AHCYL2: variants seen among roughly 807,000 people sequenced by gnomAD.
AHCYL2 encodes the protein adenosylhomocysteinase like 2.
Under a neutral mutation model 81.4 loss-of-function variants are expected in AHCYL2, and 28 were observed. That is an observed-to-expected ratio of 0.34 (90% CI 0.25 to 0.47). The LOEUF (loss-of-function observed/expected upper bound fraction) is 0.47, where lower values mean the gene tolerates loss of function less well. Ranked by LOEUF, AHCYL2 falls within the 20% of genes least tolerant of loss-of-function variation. AHCYL2 has a pLI of 1.00. For synonymous variants in AHCYL2, 272 were observed against 290.2 expected (o/e 0.94, Z 0.64); for missense variants, 551 against 785.1 (o/e 0.70, Z 3.56).
rs189371435 is a variant in AHCYL2 at position 129,242,025 on chromosome 7, A to C, written c.363+16586A>C. Among the ~76,000 whole-genome samples the C allele has an allele frequency of 7.1e-4, 108 of 152,146 alleles. 1 individual carries two copies. The highest frequency in any genetic ancestry group is 2.5e-3 in the African/African-American group (104 of 41,484). Reference sequence around the variant, plus strand: ...TTGCTATATATTCTTTATCAGTATCAATTGTATGTCAGCAGATAATATATA... The same window carrying C: ...TTGCTATATATTCTTTATCAGTATCCATTGTATGTCAGCAGATAATATATA... On this transcript the variant is annotated intron_variant, in intron 1 of 16. Coordinates refer to ENST00000325006, the MANE Select transcript of AHCYL2 (RefSeq NM_015328.4).
intron 1 of AHCYL2, among the ~76,000 whole-genome samples, chr7:129,305,487 C>T (rs1441552114): frequency 6.6e-6 from 1 of 151,860 alleles, no homozygotes; most frequent in Non-Finnish European, 1.5e-5. Context: ...CAAAAAAAAA[C>T]ACTTTATACT....
At chr7:129,386,272 G>T (rs1243096355) in intron 2 of AHCYL2, among the ~76,000 whole-genome samples, 1 of 152,108 alleles carries the variant, frequency 6.6e-6, no homozygotes, top group African/African-American at 2.4e-5. Flanking sequence ...AGACCAGCCT[G>T]CCCAGCATGG....
intron 1 of AHCYL2, among the ~76,000 whole-genome samples, chr7:129,337,623 T>C (rs1798649646): frequency 6.6e-6 from 1 of 152,156 alleles, no homozygotes; most frequent in Non-Finnish European, 1.5e-5. Flanking sequence ...GGTCTCGAAC[T>C]CTTGACCTCA....
chr7:129,416,673 G>A (rs573326215), intron 12 of AHCYL2, among the ~76,000 whole-genome samples: 7 of 152,054 alleles, frequency 4.6e-5, no homozygotes, highest in Admixed American at 1.3e-4. Flanking sequence ...GGTGGTGGGC[G>A]CCTGTAATCC....
intron 1 of AHCYL2, among the ~76,000 whole-genome samples, chr7:129,320,444 G>A (rs192416164): frequency 6.1e-4 from 93 of 152,210 alleles, no homozygotes; most frequent in Non-Finnish European, 1.2e-3. Context: ...AGCCTCCTAA[G>A]TAGCTGGGAT....
At chr7:129,425,313 T>C (rs1163937557) in intron 15 of AHCYL2, among the ~76,000 whole-genome samples, 172 bp downstream of exon 15, 1 of 152,240 alleles carries the variant, frequency 6.6e-6, no homozygotes. Flanking sequence ...TCCCATTTTC[T>C]ACATGTGTTG....
chr7:129,230,635 C>T (rs956968052), intron 1 of AHCYL2, among the ~76,000 whole-genome samples: 6 of 145,642 alleles, frequency 4.1e-5, no homozygotes, highest in East Asian at 2.0e-4. Flanking sequence ...TGCAGTGGTG[C>T]GGTCTTGGCT....
intron 1 of AHCYL2, among the ~76,000 whole-genome samples, chr7:129,249,767 C>G (rs1795189447): frequency 1.3e-5 from 2 of 152,024 alleles, no homozygotes; most frequent in African/African-American, 2.4e-5. Context: ...CCCTTGGAAA[C>G]CTCTATTCTA....
intron 2 of AHCYL2, chr7:129,388,162 C>A (rs1196477743): frequency 6.6e-6 from 1 of 152,088 alleles, no homozygotes; most frequent in Non-Finnish European, 1.5e-5. Flanking sequence ...CTTAACCCCC[C>A]AAAAAACTTG....
chr7:129,227,316 T>C (rs1247174416), intron 1 of AHCYL2, among the ~76,000 whole-genome samples: 4 of 151,872 alleles, frequency 2.6e-5, no homozygotes, highest in Non-Finnish European at 5.9e-5. Context: ...TTACACACAG[T>C]TCAATATATT....
intron 1 of AHCYL2, among the ~76,000 whole-genome samples, chr7:129,280,413 C>A (rs1333507063): frequency 2.0e-5 from 3 of 152,044 alleles, no homozygotes; most frequent in Non-Finnish European, 4.4e-5. Flanking sequence ...AAGCAATCCA[C>A]CTGCCTTGGC....
chr7:129,258,803 C>T (rs1178311839), intron 1 of AHCYL2, among the ~76,000 whole-genome samples: 4 of 152,054 alleles, frequency 2.6e-5, no homozygotes. Context: ...CACCCAGGCT[C>T]CAGATTAGCA....
intron 1 of AHCYL2, among the ~76,000 whole-genome samples, chr7:129,299,256 A>G (rs1797161294): frequency 7.0e-6 from 1 of 142,210 alleles, no homozygotes; most frequent in South Asian, 2.3e-4. Context: ...CAGCCTGGGA[A>G]CCATAGCAAG....
At chr7:129,296,433 G>A (rs1797052948) in intron 1 of AHCYL2, among the ~76,000 whole-genome samples, 1 of 152,162 alleles carries the variant, frequency 6.6e-6, no homozygotes, top group Non-Finnish European at 1.5e-5. Flanking sequence ...TTGGGGCCAG[G>A]TATGGTGGCT....
chr7:129,350,114 A>C (rs755608021), intron 1 of AHCYL2, among the ~76,000 whole-genome samples: 9 of 152,158 alleles, frequency 5.9e-5, no homozygotes, highest in Non-Finnish European at 1.0e-4. Context: ...TTGACTTACA[A>C]GGCAGTTCAG....
chr7:129,238,216 A>G (rs1250489033), intron 1 of AHCYL2, among the ~76,000 whole-genome samples: 1 of 152,216 alleles, frequency 6.6e-6, no homozygotes, highest in Non-Finnish European at 1.5e-5. Context: ...TTGGATATAC[A>G]GCTCAACTGA....
chr7:129,365,875 GTGT>G (rs1291420897), intron 1 of AHCYL2, among the ~76,000 whole-genome samples: 2 of 151,844 alleles, frequency 1.3e-5, no homozygotes, highest in African/African-American at 4.8e-5. Context: ...GGAGAAGAAA[GTGT>G]TGTTTGGAGG....
chr7:129,361,556 A>G (rs953980209), intron 1 of AHCYL2, among the ~76,000 whole-genome samples: 2 of 152,224 alleles, frequency 1.3e-5, no homozygotes, highest in Non-Finnish European at 2.9e-5. Context: ...ATAAGAAGAG[A>G]AAATGGATTT....
At chr7:129,262,378 C>T (rs537964833) in intron 1 of AHCYL2, among the ~76,000 whole-genome samples, 1 of 152,294 alleles carries the variant, frequency 6.6e-6, no homozygotes, top group Admixed American at 6.5e-5. Context: ...CTTCTTACCC[C>T]TTTATGGGTT....
Sources: gnomAD v4.1 joint callset for allele counts (sites outside exome capture counted in the v4.1 genomes callset) on GRCh38, gnomAD v4.1.1 for gene constraint, MANE v1.5 for transcripts, NCBI Gene and HGNC (gene_info 2026-07-23, HGNC 2026-07-21) for gene names.